The following CNKSR3 variants were observed in gnomAD, a reference collection of about 807,000 sequenced individuals.
CNKSR3 encodes connector enhancer of kinase suppressor of ras 3.
Under a neutral mutation model 67.7 loss-of-function variants are expected in CNKSR3, and 36 were observed. The observed-to-expected ratio is 0.53, with a 90% CI of 0.41 to 0.70. CNKSR3 has a LOEUF of 0.70. Ranked by LOEUF, CNKSR3 falls within the 30% of genes least tolerant of loss-of-function variation. The pLI is 0.00. For synonymous variants in CNKSR3, 281 were observed against 271.4 expected (o/e 1.04, Z -0.35); for missense variants, 630 against 695.2 (o/e 0.91, Z 1.05).
chr6:154,509,293 T>C (rs969465740), intron 1 of CNKSR3, among the ~76,000 whole-genome samples: 5 of 151,536 alleles, frequency 3.3e-5, no homozygotes, highest in Middle Eastern at 6.8e-3. Flanking sequence ...CTACCTCTGC[T>C]CATTCCCCCC....
chr6:154,474,939 G>C (rs1786412043), intron 1 of CNKSR3, among the ~76,000 whole-genome samples: 1 of 152,212 alleles, frequency 6.6e-6, no homozygotes, highest in South Asian at 2.1e-4. Context: ...GCGGGCCTCA[G>C]GAGGCTCCAG....
rs201928136 is a variant in CNKSR3, at chr6:154,510,027, G to A, written c.52+36C>T. On this transcript the variant is annotated intron_variant, in intron 1 of 12. Transcript: ENST00000607772. Reference sequence around the variant, plus strand: ...GCTCCTCGTCCGCCCCATCCCCGAGGCTGGAGGACTCCGGACCCCCCCAAG... The same window carrying A: ...GCTCCTCGTCCGCCCCATCCCCGAGACTGGAGGACTCCGGACCCCCCCAAG... 5.8e-5 allele frequency: 93 copies of A among 1,611,884 alleles called. No homozygotes were observed. The African/African-American group carries it at 1.0e-3, about 18-fold the overall frequency.
intron 1 of CNKSR3, among the ~76,000 whole-genome samples, chr6:154,492,777 AC>A (rs1405486392): frequency 3.3e-5 from 5 of 151,652 alleles, no homozygotes; most frequent in Non-Finnish European, 5.9e-5. Context: ...AAAAAAAAAA[AC>A]AACACAGATC....
At chr6:154,482,930 C>T (rs1197100101) in intron 1 of CNKSR3, among the ~76,000 whole-genome samples, 1 of 152,180 alleles carries the variant, frequency 6.6e-6, no homozygotes, top group Non-Finnish European at 1.5e-5. Context: ...CCTGTGATGA[C>T]CGATTTGCTC....
chr6:154,450,008 T>A, intron 2 of CNKSR3, 87 bp downstream of exon 2: 1 of 1,240,530 alleles, frequency 8.1e-7, no homozygotes, highest in Non-Finnish European at 1.1e-6. Context: ...GAAAGAGTGA[T>A]ATGCTAAATC....
At position 154,393,474 on chromosome 6, in the gene CNKSR3, T is replaced by G. The variant is rs960807815; in HGVS notation, c.*12880A>C. 2.6e-5 allele frequency: 4 copies of G among 152,242 alleles called. No individual in the cohort carries two copies. Among genetic ancestry groups the G allele is most frequent in the Non-Finnish European group, 5.9e-5 (4 of 68,040 alleles). The allele number at this position is 152,242 out of a possible 1,614,324, so 9.4% of individuals were successfully genotyped here. ...CACATGCATATGGACCATCTGATTC[T>G]CTTTTGCAAAATGCCTTTTCGCTCG... On this transcript the variant is annotated 3_prime_UTR_variant, in exon 13 of 13. Transcript: ENST00000607772.
chr6:154,422,802 A>G (rs1785174136), intron 8 of CNKSR3, 113 bp downstream of exon 8: 10 of 1,152,024 alleles, frequency 8.7e-6, no homozygotes, highest in Non-Finnish European at 1.3e-5. Context: ...AGCACAACCT[A>G]AAATAATGAA....
chr6:154,462,205 A>G (rs976552441), intron 1 of CNKSR3, among the ~76,000 whole-genome samples: 1 of 151,844 alleles, frequency 6.6e-6, no homozygotes, highest in Non-Finnish European at 1.5e-5. Context: ...CCCCCTCACC[A>G]AAGAAAATTC....
chr6:154,501,499 C>T (rs1786993269), intron 1 of CNKSR3, among the ~76,000 whole-genome samples: 1 of 152,150 alleles, frequency 6.6e-6, no homozygotes, highest in East Asian at 1.9e-4. Flanking sequence ...TCTCATGACC[C>T]CACCACAACT....
chr6:154,486,132 C>T (rs548001084), intron 1 of CNKSR3, among the ~76,000 whole-genome samples: 4 of 152,258 alleles, frequency 2.6e-5, no homozygotes, highest in East Asian at 3.9e-4. Flanking sequence ...TGCTTCCCCT[C>T]GGCCGTGTAA....
intron 2 of CNKSR3, among the ~76,000 whole-genome samples, chr6:154,449,483 C>A (rs1446284912): frequency 1.3e-5 from 2 of 152,174 alleles, no homozygotes; most frequent in Admixed American, 1.3e-4. Context: ...CTAGCCACAC[C>A]TGGCTAACTT....
chr6:154,467,796 G>A (rs1295451178), intron 1 of CNKSR3, among the ~76,000 whole-genome samples: 1 of 151,654 alleles, frequency 6.6e-6, no homozygotes, highest in African/African-American at 2.4e-5. Context: ...TCTCGCTCTT[G>A]TCGCCCAGGC....
rs545332162 is a variant in CNKSR3, at chr6:154,495,056, T to C, written c.52+15007A>G. Among the ~76,000 whole-genome samples, 92 of 152,358 alleles carry C rather than the reference T, an allele frequency of 6.0e-4. 1 individual carries two copies. Among genetic ancestry groups the C allele is most frequent in the South Asian group, 4.6e-3 (22 of 4,828 alleles). On this transcript the variant is annotated intron_variant, in intron 1 of 12. Transcript: ENST00000607772. ...GAAATAATTCCGGGTGTCATATTCA[T>C]GTACATTGCATCATTTCACACTCAA...
chr6:154,430,455 G>T lies in CNKSR3; in HGVS notation c.669+17C>A. 1 of 1,587,574 alleles carries T rather than the reference G, an allele frequency of 6.3e-7. No individual in the cohort carries two copies. Among genetic ancestry groups the T allele is most frequent in the Non-Finnish European group, 8.5e-7 (1 of 1,171,832 alleles). ...TGTATGTTATCTGAAAATAAAACAAGTGTTATTAGAACTTACCAGGCCTTC... is the reference window on the plus strand; with the variant it reads ...TGTATGTTATCTGAAAATAAAACAATTGTTATTAGAACTTACCAGGCCTTC... On this transcript the variant is annotated intron_variant, in intron 6 of 12. Coordinates refer to ENST00000607772, the MANE Select transcript of CNKSR3 (RefSeq NM_173515.4).
intron 7 of CNKSR3, among the ~76,000 whole-genome samples, chr6:154,423,240 G>A (rs533987944): frequency 4.1e-4 from 62 of 152,196 alleles, no homozygotes; most frequent in Non-Finnish European, 8.4e-4. Flanking sequence ...CTAATCTATC[G>A]GGAAGAGACT....
At chr6:154,475,283 C>G (rs1786420208) in intron 1 of CNKSR3, among the ~76,000 whole-genome samples, 1 of 152,144 alleles carries the variant, frequency 6.6e-6, no homozygotes, top group Admixed American at 6.5e-5. Context: ...TTACAACACA[C>G]GCCTGGCCCT....
chr6:154,469,127 T>C (rs1207323873), intron 1 of CNKSR3, among the ~76,000 whole-genome samples: 1 of 152,224 alleles, frequency 6.6e-6, no homozygotes. Context: ...GAGTCAATAT[T>C]TATACTGGCA....
intron 4 of CNKSR3, among the ~76,000 whole-genome samples, chr6:154,438,594 G>A (rs1465866366): frequency 6.6e-6 from 1 of 152,038 alleles, no homozygotes; most frequent in Non-Finnish European, 1.5e-5. Flanking sequence ...AAGGCCCCAG[G>A]GCTAATTAAT....
intron 2 of CNKSR3, among the ~76,000 whole-genome samples, chr6:154,446,802 C>CTTTT (rs765120948): frequency 1.7e-5 from 2 of 120,354 alleles, no homozygotes; most frequent in Non-Finnish European, 3.3e-5. Context: ...TCATACTTAT[C>CTTTT]TTTTTTTTTT....
Sources: gnomAD v4.1 joint callset for allele counts (sites outside exome capture counted in the v4.1 genomes callset) on GRCh38, gnomAD v4.1.1 for gene constraint, MANE v1.5 for transcripts, NCBI Gene and HGNC (gene_info 2026-07-23, HGNC 2026-07-21) for gene names.